Variants in STK24 observed in about 807,000 individuals in gnomAD.
The protein encoded by STK24 is serine/threonine-protein kinase 24.
In STK24, 21 loss-of-function variants were observed where a neutral mutation model predicts 55.6. That is an observed-to-expected ratio of 0.38 (90% CI 0.27 to 0.54). STK24 has a LOEUF of 0.54. Among genes scored for constraint, STK24 ranks in the 20% least tolerant of loss-of-function variants. The probability of loss-of-function intolerance (pLI) is 0.79; values close to 1 mark genes in which losing one functional copy is unlikely to be tolerated. For missense variants in STK24, 383 were observed against 538.4 expected (o/e 0.71, Z 2.86); for synonymous variants, 200 against 215.2 (o/e 0.93, Z 0.62).
chr13:98,543,069 G>A, intron 1 of STK24: 3 of 976,966 alleles, frequency 3.1e-6, no homozygotes, highest in East Asian at 1.1e-4. Flanking sequence ...CAAAGGCCAA[G>A]GGAGGGGGGA....
intron 3 of STK24, among the ~76,000 whole-genome samples, chr13:98,476,064 GATA>G (rs1310433197): frequency 6.6e-6 from 1 of 151,902 alleles, no homozygotes; most frequent in Non-Finnish European, 1.5e-5. Context: ...TTATCCCTAA[GATA>G]ATAATTACCT....
chr13:98,552,831 T>C (rs1276131944), intron 1 of STK24, among the ~76,000 whole-genome samples: 2 of 152,144 alleles, frequency 1.3e-5, no homozygotes, highest in Admixed American at 6.5e-5. Context: ...GTTTTCAGGA[T>C]ACCCTCACTG....
intron 1 of STK24, among the ~76,000 whole-genome samples, chr13:98,528,469 G>A (rs1027210134): frequency 2.5e-4 from 38 of 152,162 alleles, no homozygotes; most frequent in African/African-American, 8.4e-4. Context: ...ACCCAAGTGC[G>A]AAGTATCCTA....
chr13:98,515,394 T>G (rs1189431202), intron 2 of STK24, among the ~76,000 whole-genome samples: 1 of 151,980 alleles, frequency 6.6e-6, no homozygotes, highest in Admixed American at 6.6e-5. Flanking sequence ...AGGATTCTGG[T>G]TAAGTATCCT....
intron 1 of STK24, among the ~76,000 whole-genome samples, chr13:98,532,064 C>A (rs1287286540): frequency 1.3e-5 from 2 of 152,152 alleles, no homozygotes; most frequent in Non-Finnish European, 2.9e-5. Flanking sequence ...GGCCCCACCC[C>A]CCATCAGCTT....
chr13:98,448,180 A>C lies in STK24; in HGVS notation c.*4993T>G. ...TGTTTCTGTAAGCGATGCCCACCAA[A>C]GTGTCAGGAGTCCGTCCAAACAAAA... is the stretch of plus-strand genomic sequence containing the variant. On this transcript the variant is annotated 3_prime_UTR_variant, in exon 11 of 11. Coordinates refer to ENST00000539966, the MANE Select transcript of STK24 (RefSeq NM_001032296.4). The C allele has an allele frequency of 1.4e-6, 2 of 1,436,738 alleles. No homozygotes were observed. The highest frequency in any genetic ancestry group is 2.0e-6 in the Non-Finnish European group (2 of 1,019,526). The allele number at this position is 1,436,738 out of a possible 1,614,324, so 89.0% of individuals were successfully genotyped here. A position where few individuals can be genotyped will look rare whatever the true frequency, so the allele number is the denominator to read the frequency against.
intron 3 of STK24, 93 bp downstream of exon 3, chr13:98,482,172 A>G: frequency 1.5e-6 from 1 of 663,818 alleles, no homozygotes; most frequent in South Asian, 3.1e-5. Flanking sequence ...TGAAAGAAAG[A>G]AAAAGAAATG....
intron 1 of STK24, among the ~76,000 whole-genome samples, chr13:98,535,389 A>ATATG (rs1566392170): frequency 8.1e-6 from 1 of 124,174 alleles, no homozygotes; most frequent in East Asian, 2.2e-4. Flanking sequence ...ATATATATAT[A>ATATG]TGTGTGTATA....
At chr13:98,474,088 C>A (rs1260151627) in intron 5 of STK24, among the ~76,000 whole-genome samples, 2 of 152,156 alleles carry the variant, frequency 1.3e-5, no homozygotes, top group South Asian at 2.1e-4. Flanking sequence ...ACTGTGCGAA[C>A]TGAAGTTAAA....
Position 98,447,513 on chromosome 13 carries a change from G to GTAAT in STK24, c.*5656_*5659dup. The GTAAT allele has an allele frequency of 6.6e-6, 1 of 152,480 alleles. No homozygotes were observed. The highest frequency in any genetic ancestry group is 1.9e-4 in the East Asian group (1 of 5,176). The allele number at this position is 152,480 out of a possible 1,614,324, so 9.4% of individuals were successfully genotyped here. The stretch of plus-strand genomic sequence containing the variant: ...CCTGAAAGGCCTGGGACAAGGCCAG[G>GTAAT]TAATTTGGGGAGTCCGTCCTGCATT... On this transcript the variant is annotated 3_prime_UTR_variant, in exon 11 of 11. Transcript: ENST00000539966.
intron 1 of STK24, among the ~76,000 whole-genome samples, chr13:98,568,664 C>G (rs992320675): frequency 1.6e-4 from 24 of 152,084 alleles, no homozygotes; most frequent in Admixed American, 1.5e-3. Context: ...GTCAGGAGTT[C>G]GAGACCTGCC....
rs569669737 is a variant in STK24 at position 98,449,271 on chromosome 13, T to C, written c.*3902A>G. The C allele has an allele frequency of 6.6e-5, 10 of 152,348 alleles. No homozygotes were observed. The East Asian group carries it at 1.9e-3, about 29-fold the overall frequency. 9.4% of individuals were successfully genotyped at this position (152,348 alleles called of 1,614,324 possible). ...TTATTCCTATATCCTCCTGCAACTGTGGTTTGAAACTGCGCATTCTCTAGT... is the reference window on the plus strand; with the variant it reads ...TTATTCCTATATCCTCCTGCAACTGCGGTTTGAAACTGCGCATTCTCTAGT... On this transcript the variant is annotated 3_prime_UTR_variant, in exon 11 of 11. Coordinates refer to ENST00000539966, the MANE Select transcript of STK24 (RefSeq NM_001032296.4).
intron 2 of STK24, among the ~76,000 whole-genome samples, chr13:98,499,248 A>C (rs1396305565): frequency 6.6e-6 from 1 of 151,776 alleles, no homozygotes; most frequent in Non-Finnish European, 1.5e-5. Flanking sequence ...AAAAAAAAAA[A>C]CCAGCTTCAA....
intron 1 of STK24, among the ~76,000 whole-genome samples, chr13:98,535,811 A>C (rs1201840742): frequency 6.6e-6 from 1 of 152,098 alleles, no homozygotes; most frequent in Non-Finnish European, 1.5e-5. Flanking sequence ...AGGGTGCCTG[A>C]CTCCAGAGGC....
chr13:98,457,137 T>TCC (rs1220840276), intron 10 of STK24, 31 bp downstream of exon 10: 7 of 1,600,552 alleles, frequency 4.4e-6, no homozygotes, highest in Non-Finnish European at 6.0e-6. Context: ...GGTCTCTCCT[T>TCC]CCCCAGCCCA....
chr13:98,453,418 T>C, intron 10 of STK24: 1 of 571,784 alleles, frequency 1.7e-6, no homozygotes, highest in South Asian at 2.4e-5. Context: ...CTCCAGAGCA[T>C]GTCACCAAAA....
rs772369381 is a variant in STK24, at chr13:98,457,295, TCTC to T, written c.1129_1131del (p.Glu377del). The T allele has an allele frequency of 4.3e-6, 7 of 1,613,782 alleles. No homozygotes were observed. The highest frequency in any genetic ancestry group is 1.1e-5 in the South Asian group (1 of 91,070). On this transcript the variant is annotated inframe_deletion, in exon 10 of 11. Transcript: ENST00000539966. ...AAGTTCCCTCCGCACGCCTGGCTCT[TCTC>T]CTTCAACTGAAAACACACGAACAGG...
intron 5 of STK24, among the ~76,000 whole-genome samples, chr13:98,472,160 G>A (rs895768740): frequency 2.2e-4 from 33 of 152,188 alleles, no homozygotes; most frequent in African/African-American, 7.7e-4. Flanking sequence ...CGCCCAGTGG[G>A]AAACAAAGGA....
Position 98,576,775 on chromosome 13 carries a change from G to A in STK24, c.12C>T (p.Ser4=). 1 of 1,440,890 alleles carries A rather than the reference G, an allele frequency of 6.9e-7. No individual in the cohort carries two copies. The highest frequency in any genetic ancestry group is 1.5e-5 in the African/African-American group (1 of 67,418). The allele number at this position is 1,440,890 out of a possible 1,614,324, so 89.3% of individuals were successfully genotyped here. The change falls in exon 1 of 11, where the codon TCC becomes TCT. Residue 4 remains serine (S), a synonymous_variant. Transcript: ENST00000539966. MAH[S]PVQSGLPGMQ... Reference sequence around the variant, plus strand: ...TGCCGGGCAGGCCCGACTGCACCGGGGAGTGAGCCATGGCGCTCAGGACGG... The same window carrying A: ...TGCCGGGCAGGCCCGACTGCACCGGAGAGTGAGCCATGGCGCTCAGGACGG...
Sources: gnomAD v4.1 joint callset for allele counts (sites outside exome capture counted in the v4.1 genomes callset) on GRCh38, gnomAD v4.1.1 for gene constraint, MANE v1.5 for transcripts, NCBI Gene and HGNC (gene_info 2026-07-23, HGNC 2026-07-21) for gene names.